The following SRGAP3 variants were observed in gnomAD, a reference collection of about 807,000 sequenced individuals.
SRGAP3 encodes SLIT-ROBO Rho GTPase activating protein 3.
A neutral mutation model predicts 121.1 loss-of-function variants in SRGAP3; 39 were observed. The ratio of observed to expected loss-of-function variants is 0.32; its 90% CI spans 0.25 to 0.42. The LOEUF (loss-of-function observed/expected upper bound fraction) is 0.42. Ranked by LOEUF, SRGAP3 falls within the 10% of genes least tolerant of loss-of-function variation. The probability of loss-of-function intolerance (pLI) is 1.00; values close to 1 mark genes in which losing one functional copy is unlikely to be tolerated. For synonymous variants in SRGAP3, 601 were observed against 570.0 expected, an observed-to-expected ratio of 1.05 and a Z score of -0.77; for missense variants, 1,213 against 1,470.6, an observed-to-expected ratio of 0.82 and a Z score of 2.86.
chr3:9,262,042 T>C (rs1261090098), intron 3 of SRGAP3, among the ~76,000 whole-genome samples: 1 of 151,686 alleles, frequency 6.6e-6, no homozygotes, highest in Non-Finnish European at 1.5e-5. Flanking sequence ...CAGAACAGAG[T>C]GGGGGCCCAT....
At chr3:9,162,388 C>T (rs913655953) in intron 1 of SRGAP3, among the ~76,000 whole-genome samples, 5 of 151,984 alleles carry the variant, frequency 3.3e-5, no homozygotes, top group Admixed American at 2.0e-4. Context: ...TATTAAGATG[C>T]CCCCTTTACA....
intron 3 of SRGAP3, among the ~76,000 whole-genome samples, chr3:9,288,873 G>C (rs1177749384): frequency 1.3e-5 from 2 of 151,914 alleles, no homozygotes; most frequent in African/African-American, 2.4e-5. Context: ...ACTATGCCTG[G>C]CCACACATTG....
At chr3:9,057,724 G>A (rs1449728941) in intron 7 of SRGAP3, among the ~76,000 whole-genome samples, 1 of 152,228 alleles carries the variant, frequency 6.6e-6, no homozygotes, top group East Asian at 1.9e-4. Context: ...AACGAGTAGG[G>A]CTGTGTTGGG....
At chr3:9,121,966 C>T (rs2124971612) in intron 2 of SRGAP3, among the ~76,000 whole-genome samples, 1 of 152,288 alleles carries the variant, frequency 6.6e-6, no homozygotes, top group East Asian at 1.9e-4. Flanking sequence ...TCTCAAGCTG[C>T]ACCTAGGCCC....
intron 3 of SRGAP3, among the ~76,000 whole-genome samples, chr3:9,098,304 G>A (rs543165876): frequency 6.6e-6 from 1 of 152,056 alleles, no homozygotes; most frequent in Admixed American, 6.6e-5. Context: ...TTTGAGACAA[G>A]GTCTCACTCT....
chr3:9,042,207 T>C (rs551089369), intron 10 of SRGAP3, among the ~76,000 whole-genome samples: 7 of 152,220 alleles, frequency 4.6e-5, no homozygotes, highest in African/African-American at 9.6e-5. Context: ...TATGTGTCAA[T>C]ATAGAAAATC....
chr3:9,349,809 A>C (rs1462155679), intron 1 of SRGAP3: 1 of 152,254 alleles, frequency 6.6e-6, no homozygotes, highest in African/African-American at 2.4e-5. Context: ...ATCAGAAAAT[A>C]AGCCATTCCT....
rs869098475 is a variant in SRGAP3, at chr3:9,356,358, ATTTTTTTTTT to A, written n.214+6472_214+6481del. Among the ~76,000 whole-genome samples the A allele has an allele frequency of 3.8e-4, 15 of 39,646 alleles. No homozygotes were observed. The South Asian group carries it at 5.8e-3, about 15-fold the overall frequency. 26.0% of individuals were successfully genotyped at this position (39,646 alleles called of 152,430 possible). ...AGGTATGCACTATCATGGCCAGCTA[ATTTTTTTTTT>A]TTTTTTTTTTTTTTTTTTTTTTGAG... On this transcript the variant is annotated intron_variant and non_coding_transcript_variant, in intron 1 of 3. Coordinates refer to the SRGAP3 transcript ENST00000490889.
chr3:9,200,018 C>G (rs980817721), intron 1 of SRGAP3, among the ~76,000 whole-genome samples: 9 of 152,166 alleles, frequency 5.9e-5, no homozygotes, highest in African/African-American at 2.2e-4. Context: ...CGTAGGTTGG[C>G]TAGTAACCAG....
At chr3:9,030,170 A>G (rs868069916) in intron 12 of SRGAP3, among the ~76,000 whole-genome samples, 1 of 148,480 alleles carries the variant, frequency 6.7e-6, no homozygotes, top group Non-Finnish European at 1.5e-5. Context: ...TGAATGAATG[A>G]ATGAATGAAT....
At chr3:9,273,202 G>GCCAT (rs1954512557) in intron 3 of SRGAP3, among the ~76,000 whole-genome samples, 1 of 152,160 alleles carries the variant, frequency 6.6e-6, no homozygotes, top group African/African-American at 2.4e-5. Context: ...AGAATCTGAT[G>GCCAT]CCATGGCTGA....
intron 13 of SRGAP3, among the ~76,000 whole-genome samples, chr3:9,025,553 G>C (rs1348127124): frequency 1.3e-5 from 2 of 152,226 alleles, no homozygotes; most frequent in African/African-American, 4.8e-5. Context: ...AAACACTTGT[G>C]ATCTTCTGTT....
At chr3:9,035,612 G>GGAAA (rs3841960) in intron 11 of SRGAP3, 20,203 of 179,288 alleles carry the variant, frequency 0.11, 1,555 homozygotes, top group East Asian at 0.34. Context: ...AGAGCAAAAA[G>GGAAA]GAAAGAAAGA....
intron 1 of SRGAP3, among the ~76,000 whole-genome samples, chr3:9,129,660 A>G (rs112034609): frequency 2.2e-4 from 33 of 151,980 alleles, no homozygotes; most frequent in African/African-American, 7.7e-4. Context: ...CATGCATGCC[A>G]TCTCTGCCTC....
At chr3:9,273,021 C>G (rs1954508308) in intron 3 of SRGAP3, among the ~76,000 whole-genome samples, 1 of 152,052 alleles carries the variant, frequency 6.6e-6, no homozygotes, top group African/African-American at 2.4e-5. Context: ...TTTTTGGCAC[C>G]AGGGACGGGT....
At chr3:9,049,480 G>A (rs1269643444) in intron 9 of SRGAP3, 4 of 455,994 alleles carry the variant, frequency 8.8e-6, no homozygotes, top group African/African-American at 2.0e-5. Flanking sequence ...CTACCCAGAA[G>A]GAAACAGAAG....
chr3:9,125,595 A>G (rs1292931805), intron 1 of SRGAP3, among the ~76,000 whole-genome samples: 1 of 152,248 alleles, frequency 6.6e-6, no homozygotes, highest in Admixed American at 6.5e-5. Context: ...CACTTCAGAA[A>G]ATACTGATTG....
chr3:9,163,253 C>T lies in SRGAP3; in HGVS notation c.68-38336G>A, dbSNP rs530562305. Among the ~76,000 whole-genome samples, 3 of 152,356 alleles carry T rather than the reference C, an allele frequency of 2.0e-5. No individual in the cohort carries two copies. The East Asian group carries it at 5.8e-4, about 29-fold the overall frequency. On this transcript the variant is annotated intron_variant, in intron 1 of 21. Transcript: ENST00000383836. ...GCCAAACCCAACACAGGCATCAGCG[C>T]CCACTCTCGTGGGAGAGATCACTTC...
chr3:9,210,483 T>C (rs1249610513), intron 1 of SRGAP3, among the ~76,000 whole-genome samples: 1 of 152,056 alleles, frequency 6.6e-6, no homozygotes. Context: ...TGAGACTCTG[T>C]CTCTAACAAT....
Sources: allele counts gnomAD v4.1 joint callset (sites outside exome capture counted in the v4.1 genomes callset), GRCh38; gene constraint gnomAD v4.1.1; transcripts MANE v1.5; gene names NCBI Gene and HGNC (gene_info 2026-07-23, HGNC 2026-07-21).